NARS2: variants seen among roughly 807,000 people sequenced by gnomAD.
The protein encoded by NARS2 is asparaginyl-tRNA synthetase 2, mitochondrial.
A neutral mutation model predicts 62.9 loss-of-function variants in NARS2; 60 were observed. The ratio of observed to expected loss-of-function variants is 0.95; its 90% CI spans 0.77 to 1.18. NARS2 has a LOEUF of 1.18. NARS2 is among the 50% of genes most tolerant of loss of function. NARS2 has a pLI of 0.00. For missense variants in NARS2, 619 were observed against 576.4 expected, an observed-to-expected ratio of 1.07 and a Z score of -0.76; for synonymous variants, 196 against 200.0, an observed-to-expected ratio of 0.98 and a Z score of 0.17.
intron 8 of NARS2, 49 bp downstream of exon 8, chr11:78,478,536 A>G (rs758408822): frequency 2.5e-5 from 33 of 1,305,062 alleles, no homozygotes; most frequent in Admixed American, 6.1e-5. Context: ...ATGTATAATT[A>G]ACACATTAAA....
At chr11:78,574,253 TTG>T in intron 1 of NARS2, 93 bp downstream of exon 1, 1 of 1,513,098 alleles carries the variant, frequency 6.6e-7, no homozygotes, top group Non-Finnish European at 9.1e-7. Flanking sequence ...CTGCTGGCGG[TTG>T]TGTCTGACCC....
intron 5 of NARS2, among the ~76,000 whole-genome samples, chr11:78,559,220 T>G (rs1222804203): frequency 7.3e-6 from 1 of 136,124 alleles, no homozygotes; most frequent in Admixed American, 8.9e-5. Flanking sequence ...GGAGAATCGC[T>G]TGAACCCTAG....
chr11:78,568,539 T>C lies in NARS2; in HGVS notation c.372+93A>G, dbSNP rs1856814814. ...ATTATCTGTCACAAATGAAATATATTCTAAGTTTCATCTTCCTAATAATCA... is the reference window on the plus strand; with the variant it reads ...ATTATCTGTCACAAATGAAATATATCCTAAGTTTCATCTTCCTAATAATCA... On this transcript the variant is annotated intron_variant, in intron 3 of 13. Coordinates refer to ENST00000281038, the MANE Select transcript of NARS2 (RefSeq NM_024678.6). The C allele has an allele frequency of 2.1e-6, 3 of 1,400,604 alleles. No homozygotes were observed. The African/African-American group carries it at 4.3e-5, about 20-fold the overall frequency. 86.8% of individuals were successfully genotyped at this position (1,400,604 alleles called of 1,614,324 possible).
At chr11:78,503,101 A>G (rs554705477) in intron 6 of NARS2, among the ~76,000 whole-genome samples, 6 of 152,040 alleles carry the variant, frequency 3.9e-5, no homozygotes, top group Admixed American at 6.6e-5. Flanking sequence ...ATTCCATTTT[A>G]TAACTTCAGA....
chr11:78,493,187 G>C lies in NARS2; in HGVS notation c.698C>G (p.Thr233Ser). Residue 233 changes from threonine (T) to serine (S), a missense_variant, in exon 7 of 14, where the codon ACT (threonine) becomes AGT (serine). Thr to Ser is a moderately conservative substitution (Grantham distance 58, BLOSUM62 1). Transcript: ENST00000281038. ...LHLEVMSGAFTQVFTFGPTFR... is the reference protein window; with the variant it reads ...LHLEVMSGAFSQVFTFGPTFR... ...GGTCGGACCAAAGGTAAACACTTGA[G>C]TAAAAGCTCTGCAATTCAAGATTAA... 6.2e-7 allele frequency: 1 copy of C among 1,612,098 alleles called. No individual in the cohort carries two copies. The highest frequency in any genetic ancestry group is 8.5e-7 in the Non-Finnish European group (1 of 1,179,550).
intron 6 of NARS2, among the ~76,000 whole-genome samples, chr11:78,509,858 GA>G (rs1453936978): frequency 1.1e-4 from 16 of 149,296 alleles, no homozygotes; most frequent in African/African-American, 3.7e-4. Context: ...GAAAAGAAAA[GA>G]AAAGAAAGTG....
At chr11:78,491,368 T>C (rs1859811640) in intron 7 of NARS2, among the ~76,000 whole-genome samples, 1 of 132,928 alleles carries the variant, frequency 7.5e-6, no homozygotes, top group African/African-American at 2.8e-5. Flanking sequence ...AGCATGGAAG[T>C]GAAATGCTAT....
chr11:78,559,975 C>A (rs909599722), intron 4 of NARS2, among the ~76,000 whole-genome samples: 6 of 152,196 alleles, frequency 3.9e-5, no homozygotes, highest in Non-Finnish European at 7.3e-5. Flanking sequence ...GTACTATATT[C>A]TCTTCCCATT....
intron 9 of NARS2, among the ~76,000 whole-genome samples, chr11:78,473,247 G>A (rs182926842): frequency 9.2e-5 from 14 of 152,262 alleles, no homozygotes; most frequent in Admixed American, 3.3e-4. Flanking sequence ...AACTATCAAC[G>A]TGCCTCTCCA....
chr11:78,493,866 A>C (rs550921401), intron 6 of NARS2, among the ~76,000 whole-genome samples: 3 of 152,296 alleles, frequency 2.0e-5, no homozygotes, highest in Non-Finnish European at 4.4e-5. Flanking sequence ...AGTAAAGAAA[A>C]AAACACCGCA....
chr11:78,504,877 A>G (rs1167749424), intron 6 of NARS2, among the ~76,000 whole-genome samples: 1 of 152,122 alleles, frequency 6.6e-6, no homozygotes, highest in East Asian at 1.9e-4. Flanking sequence ...CTGCTCCAGA[A>G]TAACTGTTAT....
At chr11:78,501,461 A>G (rs1267180797) in intron 6 of NARS2, among the ~76,000 whole-genome samples, 1 of 152,220 alleles carries the variant, frequency 6.6e-6, no homozygotes, top group African/African-American at 2.4e-5. Context: ...CCATATGCTG[A>G]GAACCACTAT....
intron 6 of NARS2, among the ~76,000 whole-genome samples, chr11:78,527,391 G>C (rs1032234267): frequency 6.6e-6 from 1 of 152,034 alleles, no homozygotes; most frequent in Non-Finnish European, 1.5e-5. Flanking sequence ...GCTTGACACG[G>C]CCTTTCCTAC....
At chr11:78,462,462 T>C (rs1858437164) in intron 11 of NARS2, among the ~76,000 whole-genome samples, 1 of 152,188 alleles carries the variant, frequency 6.6e-6, no homozygotes, top group Admixed American at 6.5e-5. Context: ...AATAAATGGC[T>C]AAAAAGTAAT....
chr11:78,559,522 T>C lies in NARS2; in HGVS notation c.594+17A>G. On this transcript the variant is annotated intron_variant, in intron 5 of 13. Transcript: ENST00000281038. ...TTAAACAGCAATGTACCCCTCAAGATGGGAAGCAAAACTTACTTCAAGTTG... is the reference window on the plus strand; with the variant it reads ...TTAAACAGCAATGTACCCCTCAAGACGGGAAGCAAAACTTACTTCAAGTTG... 1.3e-6 allele frequency: 2 copies of C among 1,545,918 alleles called. No homozygotes were observed. Among genetic ancestry groups the C allele is most frequent in the Non-Finnish European group, 1.8e-6 (2 of 1,118,966 alleles).
At chr11:78,475,580 C>CTTTTTTTTTTTTTTTTTT (rs377023107) in intron 9 of NARS2, among the ~76,000 whole-genome samples, 2 of 93,976 alleles carry the variant, frequency 2.1e-5, no homozygotes, top group African/African-American at 8.4e-5. Flanking sequence ...TATCATTTGA[C>CTTTTTTTTTTTTTTTTTT]TTTTTTTTTT....
At chr11:78,464,760 C>A (rs1158906580) in intron 11 of NARS2, among the ~76,000 whole-genome samples, 2 of 152,120 alleles carry the variant, frequency 1.3e-5, no homozygotes. Context: ...GGTGCATTCA[C>A]AAACCCTGAG....
Position 78,563,108 on chromosome 11 carries a change from G to C in NARS2, c.513+3024C>G, listed in dbSNP as rs907902761. ...GTAGGTAACAGAATTATATTCTCCA[G>C]GTCTTTACAAATACTAAGTGAATTT... On this transcript the variant is annotated intron_variant, in intron 4 of 13. Coordinates refer to ENST00000281038, the MANE Select transcript of NARS2 (RefSeq NM_024678.6). Among the ~76,000 whole-genome samples the C allele has an allele frequency of 2.0e-5, 3 of 151,872 alleles. No homozygotes were observed. The East Asian group carries it at 5.8e-4, about 29-fold the overall frequency.
rs543759804 is a variant in NARS2 at position 78,482,515 on chromosome 11, AAG to A, written c.823-3834_823-3833del. 5.6e-3 allele frequency among the ~76,000 whole-genome samples: 860 copies of A among 152,290 alleles called. 3 individuals carry two copies. The highest frequency in any genetic ancestry group is 0.02 in the African/African-American group (835 of 41,566). ...CGCTAGCTAGACTAATAAAGAAGAA[AAG>A]AGAGAAGAATCAAATAGACACAATA... On this transcript the variant is annotated intron_variant, in intron 7 of 13. Transcript: ENST00000281038.
Sources: gnomAD v4.1 joint callset for allele counts (sites outside exome capture counted in the v4.1 genomes callset) on GRCh38, gnomAD v4.1.1 for gene constraint, MANE v1.5 for transcripts, NCBI Gene and HGNC (gene_info 2026-07-23, HGNC 2026-07-21) for gene names.